KCNJ6: variants seen among roughly 807,000 people sequenced by gnomAD.
KCNJ6 encodes G protein-activated inward rectifier potassium channel 2.
A neutral mutation model predicts 34.2 loss-of-function variants in KCNJ6; 9 were observed. That is an observed-to-expected ratio of 0.26 (90% CI 0.16 to 0.46). KCNJ6 has a LOEUF of 0.46. Ranked by LOEUF, KCNJ6 falls within the 20% of genes least tolerant of loss-of-function variation. The pLI, the probability that KCNJ6 is intolerant of heterozygous loss-of-function variation, is 1.00. For synonymous variants in KCNJ6, 196 were observed against 207.1 expected (o/e 0.95, Z 0.46); for missense variants, 236 against 531.3 (o/e 0.44, Z 5.46).
In KCNJ6 at chr21:37,685,101, A is replaced by G. The variant is rs532368422; in HGVS notation, c.946+29110T>C. Among the ~76,000 whole-genome samples the G allele has an allele frequency of 3.3e-5, 5 of 152,308 alleles. No homozygotes were observed. The South Asian group carries it at 1.0e-3, about 32-fold the overall frequency. On this transcript the variant is annotated intron_variant, in intron 3 of 3. Transcript: ENST00000609713. ...ACAAATCAACTAGAAAAAAGAAAAAATCAATTAGGAAATGGGCAAAGAGAA... is the reference window on the plus strand; with the variant it reads ...ACAAATCAACTAGAAAAAAGAAAAAGTCAATTAGGAAATGGGCAAAGAGAA...
At chr21:37,778,774 A>G (rs1187227401) in intron 2 of KCNJ6, among the ~76,000 whole-genome samples, 1 of 149,048 alleles carries the variant, frequency 6.7e-6, no homozygotes, top group Non-Finnish European at 1.5e-5. Flanking sequence ...CATCTCCTGT[A>G]CCCTCCCTCC....
At chr21:37,640,318 G>C (rs1239287305) in intron 3 of KCNJ6, among the ~76,000 whole-genome samples, 1 of 152,190 alleles carries the variant, frequency 6.6e-6, no homozygotes, top group Non-Finnish European at 1.5e-5. Context: ...GAATGGCTGT[G>C]GGACCTAGGA....
At chr21:37,888,410 A>G in intron 1 of KCNJ6, among the ~76,000 whole-genome samples, 1 of 152,224 alleles carries the variant, frequency 6.6e-6, no homozygotes, top group East Asian at 1.9e-4. Context: ...ATAGTCTTGG[A>G]AGTCTGGGTT....
intron 2 of KCNJ6, among the ~76,000 whole-genome samples, chr21:37,739,696 T>A (rs2054930454): frequency 6.6e-6 from 1 of 152,008 alleles, no homozygotes; most frequent in Non-Finnish European, 1.5e-5. Flanking sequence ...ATAACCCAAT[T>A]TGTGCCTGAT....
chr21:37,772,973 T>A (rs564342022), intron 2 of KCNJ6, among the ~76,000 whole-genome samples: 1 of 152,226 alleles, frequency 6.6e-6, no homozygotes, highest in African/African-American at 2.4e-5. Context: ...GTCTTTTTCA[T>A]ATGGAATACA....
chr21:37,831,019 T>C (rs73206093), intron 2 of KCNJ6, among the ~76,000 whole-genome samples: 3 of 152,092 alleles, frequency 2.0e-5, no homozygotes, highest in Non-Finnish European at 4.4e-5. Flanking sequence ...CTGAGGGACA[T>C]GGGAGGGAGA....
rs184139997 is a variant in KCNJ6, at chr21:37,885,233, G to A, written c.-28+30651C>T. ...ATAGCAGGGCTCATGGGGTCCTCTT[G>A]GGGGAGGTACAGTGGTGGGGAGCAG... On this transcript the variant is annotated intron_variant, in intron 1 of 3. Coordinates refer to ENST00000609713, the MANE Select transcript of KCNJ6 (RefSeq NM_002240.5). 2.1e-3 allele frequency among the ~76,000 whole-genome samples: 325 copies of A among 151,788 alleles called. 2 individuals carry two copies. Among genetic ancestry groups the A allele is most frequent in the East Asian group, 0.012 (60 of 5,172 alleles).
At chr21:37,798,060 C>T (rs2055251842) in intron 2 of KCNJ6, among the ~76,000 whole-genome samples, 2 of 152,234 alleles carry the variant, frequency 1.3e-5, no homozygotes, top group Admixed American at 1.3e-4. Flanking sequence ...CTCCTCTATA[C>T]TGAGCATTGG....
chr21:37,788,430 A>G (rs1304572520), intron 2 of KCNJ6, among the ~76,000 whole-genome samples: 1 of 152,202 alleles, frequency 6.6e-6, no homozygotes, highest in Non-Finnish European at 1.5e-5. Flanking sequence ...TTTGCTCAGC[A>G]TACTTCCTAT....
rs971478677 is a variant in KCNJ6, at chr21:37,795,748, C to CA, written c.25+44909dup. ...AAACTCCGTCTCAAAAAAAAAAAAA[C>CA]AAAAAAAAACCCTGCCACATAGAAT... On this transcript the variant is annotated intron_variant, in intron 2 of 3. Coordinates refer to ENST00000609713, the MANE Select transcript of KCNJ6 (RefSeq NM_002240.5). 2.3e-3 allele frequency among the ~76,000 whole-genome samples: 311 copies of CA among 133,144 alleles called. 1 individual carries two copies. Among genetic ancestry groups the CA allele is most frequent in the South Asian group, 7.6e-3 (32 of 4,222 alleles). 87.3% of individuals were successfully genotyped at this position (133,144 alleles called of 152,430 possible).
chr21:37,880,998 C>G (rs2055704843), intron 1 of KCNJ6, among the ~76,000 whole-genome samples: 1 of 152,180 alleles, frequency 6.6e-6, no homozygotes, highest in Non-Finnish European at 1.5e-5. Flanking sequence ...TCAAAGGGCA[C>G]AGAAGAGGCA....
intron 2 of KCNJ6, among the ~76,000 whole-genome samples, chr21:37,726,032 A>G (rs1230428194): frequency 6.6e-6 from 1 of 152,106 alleles, no homozygotes; most frequent in Non-Finnish European, 1.5e-5. Context: ...CAGCCTCCCA[A>G]GTAGCTGGGA....
Position 37,613,569 on chromosome 21 carries a change from G to T in KCNJ6, c.*11590C>A, listed in dbSNP as rs1569428955. 1 of 152,142 alleles carries T rather than the reference G, an allele frequency of 6.6e-6. No homozygotes were observed. Among genetic ancestry groups the T allele is most frequent in the African/African-American group, 2.4e-5 (1 of 41,432 alleles). 9.4% of individuals were successfully genotyped at this position (152,142 alleles called of 1,614,324 possible). On this transcript the variant is annotated 3_prime_UTR_variant, in exon 4 of 4. Transcript: ENST00000609713. ...ATAAACAGTGGTACATCCAGAAAAT[G>T]GATGAGTGTTTGGTGCTAAAAAAGT...
chr21:37,614,508 CTCTGTATGCATG>C lies in KCNJ6; in HGVS notation c.*10639_*10650del, dbSNP rs2054255848. 3.1e-5 allele frequency: 1 copy of C among 32,772 alleles called. No individual in the cohort carries two copies. Among genetic ancestry groups the C allele is most frequent in the African/African-American group, 7.0e-5 (1 of 14,312 alleles). The allele number at this position is 32,772 out of a possible 1,614,324, so 2.0% of individuals were successfully genotyped here. A position where few individuals can be genotyped will look rare whatever the true frequency, so the allele number is the denominator to read the frequency against. ...TGTCTGTGTGCGTGTATGCATGTGT[CTCTGTATGCATG>C]TGTGTATGCATGTCTCTGTGTATGC... On this transcript the variant is annotated 3_prime_UTR_variant, in exon 4 of 4. Coordinates refer to ENST00000609713, the MANE Select transcript of KCNJ6 (RefSeq NM_002240.5).
At chr21:37,805,618 C>G (rs2055289923) in intron 2 of KCNJ6, among the ~76,000 whole-genome samples, 1 of 111,432 alleles carries the variant, frequency 9.0e-6, no homozygotes, top group South Asian at 3.0e-4. Context: ...AAGGATGTGA[C>G]TTTATTTGAA....
At chr21:37,664,173 A>G (rs1196806083) in intron 3 of KCNJ6, among the ~76,000 whole-genome samples, 1 of 152,192 alleles carries the variant, frequency 6.6e-6, no homozygotes, top group African/African-American at 2.4e-5. Context: ...AATAGAATAA[A>G]AAACTACATA....
At chr21:37,806,672 T>C (rs2055294814) in intron 2 of KCNJ6, among the ~76,000 whole-genome samples, 1 of 152,224 alleles carries the variant, frequency 6.6e-6, no homozygotes, top group African/African-American at 2.4e-5. Flanking sequence ...ATCTCCATTT[T>C]CTAGTCATTA....
intron 2 of KCNJ6, among the ~76,000 whole-genome samples, chr21:37,790,443 C>T (rs1345444767): frequency 6.6e-6 from 1 of 152,178 alleles, no homozygotes; most frequent in East Asian, 1.9e-4. Flanking sequence ...GAATACTTCC[C>T]ATGAATTGTC....
intron 2 of KCNJ6, among the ~76,000 whole-genome samples, chr21:37,824,590 AT>A (rs1429912254): frequency 6.6e-6 from 1 of 152,008 alleles, no homozygotes; most frequent in Non-Finnish European, 1.5e-5. Context: ...GTGGGAGGTA[AT>A]TTGATCATGG....
Sources: allele counts gnomAD v4.1 joint callset (sites outside exome capture counted in the v4.1 genomes callset), GRCh38; gene constraint gnomAD v4.1.1; transcripts MANE v1.5; gene names NCBI Gene and HGNC (gene_info 2026-07-23, HGNC 2026-07-21).